Variants in PRR5L observed in about 807,000 individuals in gnomAD.
PRR5L encodes the protein proline rich 5 like.
A neutral mutation model predicts 36.4 loss-of-function variants in PRR5L; 21 were observed. The observed-to-expected ratio is 0.58, with a 90% CI of 0.41 to 0.83. The LOEUF (loss-of-function observed/expected upper bound fraction) is 0.83, where lower values mean the gene tolerates loss of function less well. PRR5L is among the 40% of genes least tolerant of loss of function. The pLI, the probability that PRR5L is intolerant of heterozygous loss-of-function variation, is 0.00. For missense variants in PRR5L, 381 were observed against 473.3 expected (o/e 0.80, Z 1.81); for synonymous variants, 188 against 197.0 (o/e 0.95, Z 0.38).
At chr11:36,394,868 G>T (rs966096781) in intron 1 of PRR5L, among the ~76,000 whole-genome samples, 1 of 152,172 alleles carries the variant, frequency 6.6e-6, no homozygotes, top group Non-Finnish European at 1.5e-5. Flanking sequence ...GGGGTGGGGA[G>T]ATGTTTTTCT....
chr11:36,298,212 A>G (rs906910289), intron 1 of PRR5L, among the ~76,000 whole-genome samples: 10 of 152,112 alleles, frequency 6.6e-5, no homozygotes, highest in Admixed American at 1.3e-4. Flanking sequence ...AGCAGTCCCC[A>G]ATTTTTTTGG....
intron 4 of PRR5L, chr11:36,426,062 G>C (rs1008893635): frequency 7.2e-5 from 11 of 152,272 alleles, no homozygotes; most frequent in Admixed American, 6.5e-4. Flanking sequence ...GTGGATAGTC[G>C]AGAGGAAGGC....
Position 36,464,928 on chromosome 11 carries a change from C to T in PRR5L, c.*2192C>T, listed in dbSNP as rs1242980381. 6.6e-6 allele frequency: 1 copy of T among 152,152 alleles called. No homozygotes were observed. Among genetic ancestry groups the T allele is most frequent in the Non-Finnish European group, 1.5e-5 (1 of 68,026 alleles). 9.4% of individuals were successfully genotyped at this position (152,152 alleles called of 1,614,324 possible). A position where few individuals can be genotyped will look rare whatever the true frequency, so the allele number is the denominator to read the frequency against. ...TTTACAACTTTTTACCATCGATGTACACATTTGATATTTGTGCAGTAAATA... is the reference window on the plus strand; with the variant it reads ...TTTACAACTTTTTACCATCGATGTATACATTTGATATTTGTGCAGTAAATA... On this transcript the variant is annotated 3_prime_UTR_variant, in exon 9 of 9. Coordinates refer to ENST00000530639, the MANE Select transcript of PRR5L (RefSeq NM_001160167.2).
intron 1 of PRR5L, among the ~76,000 whole-genome samples, chr11:36,334,376 C>T (rs1002891890): frequency 6.6e-6 from 1 of 152,212 alleles, no homozygotes; most frequent in Non-Finnish European, 1.5e-5. Flanking sequence ...TTCCACTGGT[C>T]TCAGAATATA....
At chr11:36,318,344 A>G (rs752018705) in intron 1 of PRR5L, among the ~76,000 whole-genome samples, 4 of 152,166 alleles carry the variant, frequency 2.6e-5, no homozygotes, top group Non-Finnish European at 5.9e-5. Context: ...AATTTAAATG[A>G]ATTATTTGGT....
intron 1 of PRR5L, among the ~76,000 whole-genome samples, chr11:36,317,384 G>A (rs1856568178): frequency 6.6e-6 from 1 of 152,246 alleles, no homozygotes; most frequent in South Asian, 2.1e-4. Flanking sequence ...TAGTAGAATT[G>A]TGAGGATCAA....
At chr11:36,442,011 G>A (rs1175109266) in intron 6 of PRR5L, among the ~76,000 whole-genome samples, 1 of 152,020 alleles carries the variant, frequency 6.6e-6, no homozygotes, top group Non-Finnish European at 1.5e-5. Context: ...TTTCCTTTAG[G>A]CTTCTGGGCC....
intron 1 of PRR5L, among the ~76,000 whole-genome samples, chr11:36,378,437 T>C (rs966617948): frequency 2.6e-5 from 4 of 152,266 alleles, no homozygotes; most frequent in Admixed American, 1.3e-4. Context: ...TTGTCTTCAG[T>C]TTTTCCAACT....
At chr11:36,336,671 C>T (rs781004660) in intron 1 of PRR5L, among the ~76,000 whole-genome samples, 41 of 151,166 alleles carry the variant, frequency 2.7e-4, no homozygotes, top group Non-Finnish European at 5.6e-4. Flanking sequence ...AATAAATAAA[C>T]GTCATTCTCA....
intron 4 of PRR5L, among the ~76,000 whole-genome samples, chr11:36,422,400 G>A (rs1468836034): frequency 1.3e-5 from 2 of 152,172 alleles, no homozygotes; most frequent in African/African-American, 2.4e-5. Flanking sequence ...GGACAGGAAA[G>A]TCACCAAAAC....
chr11:36,411,169 C>T (rs528762742), intron 3 of PRR5L, among the ~76,000 whole-genome samples: 20 of 152,162 alleles, frequency 1.3e-4, no homozygotes, highest in Non-Finnish European at 1.8e-4. Flanking sequence ...TCTCTGTGTG[C>T]AAGGCAGACT....
intron 2 of PRR5L, 29 bp downstream of exon 2, chr11:36,401,314 A>G: frequency 6.3e-7 from 1 of 1,599,438 alleles, no homozygotes; most frequent in Admixed American, 1.7e-5. Flanking sequence ...TGTGGGGTGG[A>G]GGGCTGCCAA....
At chr11:36,425,672 A>G (rs1437708618) in intron 4 of PRR5L, 1 of 152,152 alleles carries the variant, frequency 6.6e-6, no homozygotes, top group Non-Finnish European at 1.5e-5. Context: ...ACACCCACAC[A>G]CACCAACATT....
At chr11:36,345,816 G>A (rs1031129989) in intron 1 of PRR5L, among the ~76,000 whole-genome samples, 1 of 152,188 alleles carries the variant, frequency 6.6e-6, no homozygotes, top group South Asian at 2.1e-4. Context: ...TCTGTGCTTC[G>A]GCAGAAAGCT....
intron 1 of PRR5L, among the ~76,000 whole-genome samples, chr11:36,380,324 T>C (rs1318532089): frequency 1.3e-5 from 2 of 151,996 alleles, no homozygotes; most frequent in African/African-American, 2.4e-5. Flanking sequence ...ACACACTAGA[T>C]GAGGTTCCCA....
At chr11:36,382,056 G>T (rs1857378110) in intron 1 of PRR5L, among the ~76,000 whole-genome samples, 1 of 152,164 alleles carries the variant, frequency 6.6e-6, no homozygotes, top group Non-Finnish European at 1.5e-5. Flanking sequence ...TACTCGGGAG[G>T]CTGAGGCAGG....
chr11:36,353,817 C>A (rs772843843), intron 1 of PRR5L, among the ~76,000 whole-genome samples: 63 of 152,154 alleles, frequency 4.1e-4, no homozygotes, highest in Non-Finnish European at 7.5e-4. Flanking sequence ...CTCTGTGGCC[C>A]CATTCCTAAC....
chr11:36,374,886 T>C (rs1441245097), intron 1 of PRR5L, among the ~76,000 whole-genome samples: 25 of 152,168 alleles, frequency 1.6e-4, no homozygotes, highest in Admixed American at 1.6e-3. Flanking sequence ...GCTCCAGGCT[T>C]TGGCTCTTAA....
chr11:36,456,433 G>T (rs559879646), intron 8 of PRR5L, among the ~76,000 whole-genome samples: 1 of 152,360 alleles, frequency 6.6e-6, no homozygotes, highest in East Asian at 1.9e-4. Context: ...GTGAGTGAGT[G>T]GTTCAGTCTG....
Sources: allele counts gnomAD v4.1 joint callset (sites outside exome capture counted in the v4.1 genomes callset), GRCh38; gene constraint gnomAD v4.1.1; transcripts MANE v1.5; gene names NCBI Gene and HGNC (gene_info 2026-07-23, HGNC 2026-07-21).